Variants in POU6F2 observed in about 807,000 individuals in gnomAD.
POU6F2 encodes POU domain, class 6, transcription factor 2.
POU6F2 carries 31 observed loss-of-function variants against 71.3 expected under a neutral mutation model. The observed-to-expected ratio is 0.43, with a 90% CI of 0.33 to 0.59. The LOEUF (loss-of-function observed/expected upper bound fraction) is 0.59. Among genes scored for constraint, POU6F2 ranks in the 20% least tolerant of loss-of-function variants. POU6F2 has a pLI of 0.04. For missense variants in POU6F2, 783 were observed against 856.8 expected (o/e 0.91, Z 1.07); for synonymous variants, 347 against 355.7 (o/e 0.98, Z 0.27).
intron 1 of POU6F2, among the ~76,000 whole-genome samples, chr7:39,062,979 AG>A (rs1444954014): frequency 3.9e-5 from 6 of 152,098 alleles, no homozygotes; most frequent in Non-Finnish European, 8.8e-5. Context: ...CATGGCGATC[AG>A]CTTCAGTGAG....
chr7:39,406,280 G>A (rs1787424565), intron 5 of POU6F2: 1 of 327,778 alleles, frequency 3.1e-6, no homozygotes, highest in African/African-American at 2.1e-5. Flanking sequence ...TTAGTCTAGA[G>A]GGCTTCTGCG....
chr7:39,121,554 A>G (rs1792042446), intron 2 of POU6F2, among the ~76,000 whole-genome samples: 1 of 152,206 alleles, frequency 6.6e-6, no homozygotes, highest in Non-Finnish European at 1.5e-5. Flanking sequence ...ATTATCTTGT[A>G]GTAGGTACAT....
At chr7:39,173,297 G>T (rs1793261981) in intron 2 of POU6F2, among the ~76,000 whole-genome samples, 1 of 152,204 alleles carries the variant, frequency 6.6e-6, no homozygotes, top group Admixed American at 6.5e-5. Context: ...TTAAGCGGTA[G>T]ATAAGGTGGA....
In POU6F2 at chr7:39,440,942, TC is replaced by T. The variant is rs765603216; in HGVS notation, c.1320+7662del. Among the ~76,000 whole-genome samples the T allele has an allele frequency of 8.8e-4, 134 of 152,256 alleles. 1 individual carries two copies. Among genetic ancestry groups the T allele is most frequent in the Middle Eastern group, 3.4e-3 (1 of 294 alleles). Reference sequence around the variant, plus strand: ...GCTTGTTTTCCTTTCAATGGTCAAGTCCCTCTTCTGTAGGGCTGCTGCAGTT... The same window carrying T: ...GCTTGTTTTCCTTTCAATGGTCAAGTCCTCTTCTGTAGGGCTGCTGCAGTT... On this transcript the variant is annotated intron_variant, in intron 7 of 9. Coordinates refer to ENST00000518318, the MANE Select transcript of POU6F2 (RefSeq NM_001370959.1).
chr7:39,128,096 C>T (rs927325559), intron 2 of POU6F2, among the ~76,000 whole-genome samples: 6 of 151,986 alleles, frequency 3.9e-5, no homozygotes, highest in Non-Finnish European at 5.9e-5. Context: ...CCACCTCGGC[C>T]TCCCAAAGTG....
chr7:39,373,683 C>T, intron 5 of POU6F2: 1 of 347,188 alleles, frequency 2.9e-6, no homozygotes, highest in Non-Finnish European at 5.7e-6. Flanking sequence ...GAATAAGCTC[C>T]CAGATTTACA....
chr7:39,001,151 G>A (rs1163784876), intron 1 of POU6F2, among the ~76,000 whole-genome samples: 1 of 152,082 alleles, frequency 6.6e-6, no homozygotes, highest in African/African-American at 2.4e-5. Flanking sequence ...GATTGTGCCT[G>A]CATAGTTGGT....
At chr7:39,371,693 G>T (rs1786614337) in intron 5 of POU6F2, among the ~76,000 whole-genome samples, 1 of 152,112 alleles carries the variant, frequency 6.6e-6, no homozygotes, top group South Asian at 2.1e-4. Context: ...ACACACTGTG[G>T]TTACCCTCTG....
intron 3 of POU6F2, among the ~76,000 whole-genome samples, chr7:39,206,278 G>T (rs1554331906): frequency 6.6e-6 from 1 of 152,146 alleles, no homozygotes; most frequent in Non-Finnish European, 1.5e-5. Context: ...CATCTGGCTT[G>T]ACCAGGGCAG....
Position 39,148,869 on chromosome 7 carries a change from G to A in POU6F2, c.278-55366G>A, listed in dbSNP as rs76439835. Among the ~76,000 whole-genome samples the A allele has an allele frequency of 8.3e-3, 1,260 of 152,272 alleles. 20 individuals carry two copies. Among genetic ancestry groups the A allele is most frequent in the African/African-American group, 0.029 (1,201 of 41,526 alleles). On this transcript the variant is annotated intron_variant, in intron 2 of 9. Coordinates refer to ENST00000518318, the MANE Select transcript of POU6F2 (RefSeq NM_001370959.1). ...GAGTGGCAGGAGTTGTGTAGTGATC[G>A]CGAGATGATGTGGATCCTGTGGATA...
At chr7:39,308,114 A>G (rs1785081697) in intron 4 of POU6F2, among the ~76,000 whole-genome samples, 1 of 152,226 alleles carries the variant, frequency 6.6e-6, no homozygotes, top group Non-Finnish European at 1.5e-5. Flanking sequence ...CCAAAGGGGT[A>G]GAAGGACTTT....
At chr7:39,341,186 G>C (rs1785910354) in intron 5 of POU6F2, among the ~76,000 whole-genome samples, 1 of 152,180 alleles carries the variant, frequency 6.6e-6, no homozygotes. Context: ...TGGTATTTTA[G>C]AACTTAGTTT....
At chr7:38,981,641 T>C (rs990603711) in intron 1 of POU6F2, among the ~76,000 whole-genome samples, 1 of 152,186 alleles carries the variant, frequency 6.6e-6, no homozygotes, top group Non-Finnish European at 1.5e-5. Flanking sequence ...CCAGTTGACA[T>C]TGCTAAAGTA....
At chr7:39,271,081 C>G in intron 4 of POU6F2, among the ~76,000 whole-genome samples, 1 of 152,138 alleles carries the variant, frequency 6.6e-6, no homozygotes, top group Non-Finnish European at 1.5e-5. Context: ...GTGACCCAAC[C>G]ACGACCAGCA....
intron 4 of POU6F2, among the ~76,000 whole-genome samples, chr7:39,219,997 C>G (rs927599374): frequency 2.6e-5 from 4 of 152,136 alleles, no homozygotes; most frequent in Non-Finnish European, 5.9e-5. Context: ...ATGCTGCTAA[C>G]TTGCAATAGA....
chr7:39,397,814 G>GTATATATATATATATATA (rs150006644), intron 5 of POU6F2, among the ~76,000 whole-genome samples: 2,347 of 128,224 alleles, frequency 0.018, 47 homozygotes, highest in East Asian at 0.033. Flanking sequence ...TATATTTTGT[G>GTATATATATATATATATA]TATATATATA....
chr7:39,272,895 A>G (rs1784365319), intron 4 of POU6F2, among the ~76,000 whole-genome samples: 1 of 152,228 alleles, frequency 6.6e-6, no homozygotes, highest in Non-Finnish European at 1.5e-5. Flanking sequence ...ACAATGAGCA[A>G]TGACAAAGTC....
intron 1 of POU6F2, among the ~76,000 whole-genome samples, chr7:39,020,062 A>C (rs915676656): frequency 6.6e-6 from 1 of 152,148 alleles, no homozygotes; most frequent in African/African-American, 2.4e-5. Flanking sequence ...CATTCTAGGA[A>C]GTGTGGAACC....
intron 4 of POU6F2, among the ~76,000 whole-genome samples, chr7:39,277,370 C>T (rs1426111315): frequency 6.6e-6 from 1 of 152,084 alleles, no homozygotes; most frequent in Non-Finnish European, 1.5e-5. Flanking sequence ...AGCATAGTCC[C>T]CAGAGGGAAG....
Sources: allele counts gnomAD v4.1 joint callset (sites outside exome capture counted in the v4.1 genomes callset), GRCh38; gene constraint gnomAD v4.1.1; transcripts MANE v1.5; gene names NCBI Gene and HGNC (gene_info 2026-07-23, HGNC 2026-07-21).